Variants in SFMBT1 observed in about 807,000 individuals in gnomAD.
The protein encoded by SFMBT1 is scm-like with four MBT domains protein 1.
In SFMBT1, 32 loss-of-function variants were observed where a neutral mutation model predicts 108.7. The observed-to-expected ratio is 0.29, with a 90% CI of 0.22 to 0.40. SFMBT1 has a LOEUF of 0.40. SFMBT1 is among the 10% of genes least tolerant of loss of function. The probability of loss-of-function intolerance (pLI) is 1.00; values close to 1 mark genes in which losing one functional copy is unlikely to be tolerated. For synonymous variants in SFMBT1, 348 were observed against 369.5 expected (o/e 0.94, Z 0.67); for missense variants, 816 against 1,059.6 (o/e 0.77, Z 3.19).
intron 4 of SFMBT1, among the ~76,000 whole-genome samples, chr3:52,935,998 T>G (rs1426656384): frequency 6.6e-6 from 1 of 152,184 alleles, no homozygotes; most frequent in Admixed American, 6.6e-5. Flanking sequence ...TATTTAGAGC[T>G]AGAAGCTTGA....
chr3:52,986,646 G>A (rs1451529006), intron 1 of SFMBT1, among the ~76,000 whole-genome samples: 1 of 151,686 alleles, frequency 6.6e-6, no homozygotes, highest in African/African-American at 2.4e-5. Flanking sequence ...CATGGTGGCA[G>A]GTGCCTGTAG....
At chr3:52,906,026 T>G (rs986718567) in intron 20 of SFMBT1, 87 bp downstream of exon 20, 2 of 1,464,538 alleles carry the variant, frequency 1.4e-6, no homozygotes, top group African/African-American at 2.8e-5. Context: ...ACATTTTTCC[T>G]AAAACTTGTA....
intron 1 of SFMBT1, among the ~76,000 whole-genome samples, chr3:53,024,660 T>G (rs983844151): frequency 6.6e-6 from 1 of 152,194 alleles, no homozygotes; most frequent in African/African-American, 2.4e-5. Context: ...GAATGATCGC[T>G]GGGACCAATG....
At chr3:53,013,121 G>C (rs1354728491) in intron 1 of SFMBT1, among the ~76,000 whole-genome samples, 1 of 151,718 alleles carries the variant, frequency 6.6e-6, no homozygotes, top group African/African-American at 2.4e-5. Flanking sequence ...GGAGCTACTG[G>C]ATTTGATTAT....
In SFMBT1 at chr3:53,001,945, A is replaced by T. The variant is rs1039225151; in HGVS notation, c.-130-32687T>A. On this transcript the variant is annotated intron_variant, in intron 1 of 20. Coordinates refer to ENST00000394752, the MANE Select transcript of SFMBT1 (RefSeq NM_016329.4). The stretch of plus-strand genomic sequence containing the variant: ...GTCTCTCACACACACACACACACAC[A>T]CACACACACACACACACACACACAC... Among the ~76,000 whole-genome samples the T allele has an allele frequency of 9.0e-4, 128 of 142,330 alleles. 3 individuals are homozygous for T. The highest frequency in any genetic ancestry group is 2.8e-3 in the African/African-American group (102 of 36,052). The allele number at this position is 142,330 out of a possible 152,430, so 93.4% of individuals were successfully genotyped here.
At chr3:53,036,227 G>A (rs1221721337) in intron 1 of SFMBT1, among the ~76,000 whole-genome samples, 2 of 152,162 alleles carry the variant, frequency 1.3e-5, no homozygotes, top group Non-Finnish European at 2.9e-5. Flanking sequence ...GGGAGGAGAG[G>A]GAAGCAGAGA....
chr3:52,918,633 G>A (rs556273716), intron 12 of SFMBT1, 107 bp from the exon 13 acceptor site: 78 of 571,718 alleles, frequency 1.4e-4, no homozygotes, highest in Non-Finnish European at 2.2e-4. Flanking sequence ...GGTTCTGTGT[G>A]AGTGTGTGTG....
chr3:53,011,654 A>G (rs1698948498), intron 1 of SFMBT1, among the ~76,000 whole-genome samples: 1 of 152,234 alleles, frequency 6.6e-6, no homozygotes, highest in Non-Finnish European at 1.5e-5. Flanking sequence ...GAAATGACAG[A>G]AAAATCAAAG....
intron 2 of SFMBT1, among the ~76,000 whole-genome samples, chr3:52,958,915 G>T (rs770243093): frequency 1.3e-5 from 2 of 152,112 alleles, no homozygotes; most frequent in African/African-American, 2.4e-5. Flanking sequence ...AGAAAACCTG[G>T]TACATATACA....
At chr3:52,985,084 A>C (rs1704859433) in intron 1 of SFMBT1, among the ~76,000 whole-genome samples, 1 of 152,178 alleles carries the variant, frequency 6.6e-6, no homozygotes, top group Non-Finnish European at 1.5e-5. Flanking sequence ...ATTTTCATCA[A>C]TTAAATGCTT....
intron 4 of SFMBT1, among the ~76,000 whole-genome samples, chr3:52,940,564 G>A (rs1439478752): frequency 6.6e-6 from 1 of 152,064 alleles, no homozygotes; most frequent in African/African-American, 2.4e-5. Context: ...CATAAATGGA[G>A]GAAAGGGGGA....
intron 4 of SFMBT1, among the ~76,000 whole-genome samples, chr3:52,937,991 A>T (rs914796838): frequency 6.6e-6 from 1 of 152,066 alleles, no homozygotes; most frequent in African/African-American, 2.4e-5. Flanking sequence ...TCTTTTTTTC[A>T]TACAATAACA....
intron 3 of SFMBT1, among the ~76,000 whole-genome samples, chr3:52,949,565 C>CTTTTTTTTTTTTTTT (rs1255408427): frequency 8.4e-6 from 1 of 119,208 alleles, no homozygotes; most frequent in African/African-American, 3.2e-5. Flanking sequence ...ATGTAATGTC[C>CTTTTTTTTTTTTTTT]TTCTTTTTTT....
intron 1 of SFMBT1, among the ~76,000 whole-genome samples, chr3:52,990,622 G>A (rs1015691952): frequency 6.6e-6 from 1 of 152,038 alleles, no homozygotes; most frequent in African/African-American, 2.4e-5. Flanking sequence ...ACTTCAAAGA[G>A]CCACCTTAAT....
chr3:52,976,281 TAAGAA>T (rs1416540297), intron 1 of SFMBT1, among the ~76,000 whole-genome samples: 1 of 152,076 alleles, frequency 6.6e-6, no homozygotes, highest in Non-Finnish European at 1.5e-5. Context: ...AATATTAGCA[TAAGAA>T]AAGACAAACA....
chr3:52,905,203 G>A lies in SFMBT1; in HGVS notation c.2534C>T (p.Pro845Leu). The A allele has an allele frequency of 6.2e-7, 1 of 1,614,066 alleles. No individual in the cohort carries two copies. Among genetic ancestry groups the A allele is most frequent in the Non-Finnish European group, 8.5e-7 (1 of 1,179,958 alleles). The change falls in exon 21 of 21, where the codon CCT (proline) becomes CTT (leucine). Residue 845 changes from proline to leucine, a missense_variant. Physicochemically the swap from Pro to Leu is moderately conservative, Grantham distance 98 (BLOSUM62 -3). Coordinates refer to ENST00000394752, the MANE Select transcript of SFMBT1 (RefSeq NM_016329.4). The part of the protein sequence containing the change: ...VQECMDLKLG[P>L]AIKLCHHIER... ...TATGTGATGGCAAAGTTTGATGGCA[G>A]GGCCCAATTTTAAGTCCATGCATTC...
chr3:52,954,097 C>A (rs999659463), intron 3 of SFMBT1, among the ~76,000 whole-genome samples: 5 of 151,498 alleles, frequency 3.3e-5, no homozygotes, highest in African/African-American at 1.2e-4. Context: ...TGCACTCCAG[C>A]CTGGGCGACA....
At chr3:52,963,913 A>G (rs1704047601) in intron 2 of SFMBT1, among the ~76,000 whole-genome samples, 1 of 152,268 alleles carries the variant, frequency 6.6e-6, no homozygotes, top group Non-Finnish European at 1.5e-5. Flanking sequence ...ATAAAAACAA[A>G]GAATAATATT....
At chr3:52,930,236 G>C (rs1012186573) in intron 8 of SFMBT1, 93 bp downstream of exon 8, 1 of 765,146 alleles carries the variant, frequency 1.3e-6, no homozygotes, top group Non-Finnish European at 2.3e-6. Flanking sequence ...AAAATGGGTT[G>C]GATCAATAGA....
Sources: gnomAD v4.1 joint callset for allele counts (sites outside exome capture counted in the v4.1 genomes callset) on GRCh38, gnomAD v4.1.1 for gene constraint, MANE v1.5 for transcripts, NCBI Gene and HGNC (gene_info 2026-07-23, HGNC 2026-07-21) for gene names.